Variants in TMEM192 observed in about 807,000 individuals in gnomAD.
The protein encoded by TMEM192 is transmembrane protein 192.
TMEM192 carries 20 observed loss-of-function variants against 26.7 expected under a neutral mutation model. The ratio of observed to expected loss-of-function variants is 0.75; its 90% confidence interval spans 0.53 to 1.09. The LOEUF (loss-of-function observed/expected upper bound fraction) is 1.09. TMEM192 is among the 50% of genes least tolerant of loss of function. The probability of loss-of-function intolerance (pLI) is 0.00; values close to 1 mark genes in which losing one functional copy is unlikely to be tolerated. For missense variants in TMEM192, 304 were observed against 322.6 expected, an observed-to-expected ratio of 0.94 and a Z score of 0.44; for synonymous variants, 124 against 121.0, an observed-to-expected ratio of 1.02 and a Z score of -0.16.
chr4:165,107,645 A>T (rs554576590), intron 1 of TMEM192, among the ~76,000 whole-genome samples: 1 of 152,158 alleles, frequency 6.6e-6, no homozygotes, highest in East Asian at 1.9e-4. Context: ...CGCCTGGCCA[A>T]GGATTTGCCT....
chr4:165,078,575 G>A lies in TMEM192; in HGVS notation c.*1083C>T, dbSNP rs956278525. On this transcript the variant is annotated 3_prime_UTR_variant, in exon 6 of 6. Coordinates refer to ENST00000306480, the MANE Select transcript of TMEM192 (RefSeq NM_001100389.2). ...AGAAGATGCCTTTCCTATAATTGAA[G>A]TTATTGATCAATTGAAGGTATAACC... 3.9e-5 allele frequency: 6 copies of A among 152,016 alleles called. No homozygotes were observed. The highest frequency in any genetic ancestry group is 2.6e-4 in the Admixed American group (4 of 15,244). The allele number at this position is 152,016 out of a possible 1,614,324, so 9.4% of individuals were successfully genotyped here. A position where few individuals can be genotyped will look rare whatever the true frequency, so the allele number is the denominator to read the frequency against.
At chr4:165,100,962 G>T in intron 2 of TMEM192, 70 bp from the exon 3 acceptor site, 3 of 851,198 alleles carry the variant, frequency 3.5e-6, no homozygotes, top group Non-Finnish European at 3.5e-6. Context: ...TACCATCCCA[G>T]CATACATTCT....
chr4:165,100,564 T>C, intron 3 of TMEM192, 64 bp downstream of exon 3: 2 of 1,530,858 alleles, frequency 1.3e-6, no homozygotes, highest in East Asian at 2.3e-5. Context: ...AAACTTCATA[T>C]ATTCTTTCTG....
chr4:165,085,527 ATGGTTT>A, intron 5 of TMEM192, 53 bp downstream of exon 5: 1 of 1,093,788 alleles, frequency 9.1e-7, no homozygotes, highest in Non-Finnish European at 1.4e-6. Context: ...AAGCATCAGA[ATGGTTT>A]CTAGCTTTCT....
At chr4:165,106,900 C>G (rs1735174054) in intron 1 of TMEM192, among the ~76,000 whole-genome samples, 1 of 152,262 alleles carries the variant, frequency 6.6e-6, no homozygotes, top group South Asian at 2.1e-4. Context: ...ATACATATAT[C>G]CTATTGGTTC....
chr4:165,088,595 T>C lies in TMEM192; in HGVS notation c.447A>G (p.Thr149=). ...LALMIQSSGN[T]VLLLILCMQH... is the part of the protein sequence containing the mutation. ...GCATGCACAGTATGAGGAGAAGCAC[T>C]GTGTTGCCTGAGGAGGAGAAACATA... Residue 149 remains threonine, a synonymous_variant, in exon 4 of 6, where the codon ACA becomes ACG. Coordinates refer to ENST00000306480, the MANE Select transcript of TMEM192 (RefSeq NM_001100389.2). 1 of 1,610,424 alleles carries C rather than the reference T, an allele frequency of 6.2e-7. No homozygotes were observed. Among genetic ancestry groups the C allele is most frequent in the African/African-American group, 1.3e-5 (1 of 74,966 alleles).
chr4:165,090,138 G>A (rs1578903453), intron 3 of TMEM192, among the ~76,000 whole-genome samples: 1 of 150,896 alleles, frequency 6.6e-6, no homozygotes, highest in African/African-American at 2.4e-5. Flanking sequence ...TTGAACCCGG[G>A]AGGTGGAGGT....
Position 165,076,330 on chromosome 4 carries a change from G to C in TMEM192, c.*3328C>G, listed in dbSNP as rs1180315632. The C allele has an allele frequency of 6.6e-6, 1 of 152,092 alleles. No homozygotes were observed. Among genetic ancestry groups the C allele is most frequent in the African/African-American group, 2.4e-5 (1 of 41,400 alleles). 9.4% of individuals were successfully genotyped at this position (152,092 alleles called of 1,614,324 possible). On this transcript the variant is annotated 3_prime_UTR_variant, in exon 6 of 6. Transcript: ENST00000306480. ...CCATATTGAACTACCATCTGATCCT[G>C]CTGAAACTAAAACTGACATTGTCAC...
In TMEM192 at chr4:165,076,601, T is replaced by C. The variant is rs1201574863; in HGVS notation, c.*3057A>G. On this transcript the variant is annotated 3_prime_UTR_variant, in exon 6 of 6. Coordinates refer to ENST00000306480, the MANE Select transcript of TMEM192 (RefSeq NM_001100389.2). Reference sequence around the variant, plus strand: ...ACCCTCCTGCCCCCAGGGTACCCCCTGACGTGGAGCTCCTACAGCATGTTG... The same window carrying C: ...ACCCTCCTGCCCCCAGGGTACCCCCCGACGTGGAGCTCCTACAGCATGTTG... 2 of 152,242 alleles carry C rather than the reference T, an allele frequency of 1.3e-5. No individual in the cohort carries two copies. Among genetic ancestry groups the C allele is most frequent in the African/African-American group, 2.4e-5 (1 of 41,450 alleles). The allele number at this position is 152,242 out of a possible 1,614,324, so 9.4% of individuals were successfully genotyped here. A position where few individuals can be genotyped will look rare whatever the true frequency, so the allele number is the denominator to read the frequency against.
intron 4 of TMEM192, 146 bp from the exon 5 acceptor site, chr4:165,085,834 A>G (rs1734601946): frequency 1.7e-6 from 1 of 593,428 alleles, no homozygotes; most frequent in Admixed American, 3.1e-5. Context: ...AGCCCTGGGA[A>G]TATAGGGATT....
intron 3 of TMEM192, among the ~76,000 whole-genome samples, chr4:165,092,406 G>A (rs1734788720): frequency 6.6e-6 from 1 of 152,166 alleles, no homozygotes; most frequent in East Asian, 1.9e-4. Context: ...ACAGGCGTAA[G>A]CCACCGCACC....
At position 165,072,267 on chromosome 4, in the gene TMEM192, T is replaced by C. The variant is rs1320112208; in HGVS notation, c.*7391A>G. On this transcript the variant is annotated 3_prime_UTR_variant, in exon 6 of 6. Coordinates refer to ENST00000306480, the MANE Select transcript of TMEM192 (RefSeq NM_001100389.2). ...AAAAAGAAAAAGAAAAACACTATTA[T>C]AATAGGGCCAGGCACAGTGACTCAT... 1.3e-5 allele frequency: 2 copies of C among 150,064 alleles called. No individual in the cohort carries two copies. Among genetic ancestry groups the C allele is most frequent in the Admixed American group, 1.3e-4 (2 of 14,962 alleles). 9.3% of individuals were successfully genotyped at this position (150,064 alleles called of 1,614,324 possible).
rs1578895834 is a variant in TMEM192, at chr4:165,077,442, T to TA, written c.*2215dup. ...GAGAAGGCAATGGCTTTGAGATACA[T>TA]ACACTTATTAAAAAGAAAGGAAGGC... is the stretch of plus-strand genomic sequence containing the variant. On this transcript the variant is annotated 3_prime_UTR_variant, in exon 6 of 6. Transcript: ENST00000306480. 1 of 152,142 alleles carries TA rather than the reference T, an allele frequency of 6.6e-6. No homozygotes were observed. Among genetic ancestry groups the TA allele is most frequent in the East Asian group, 1.9e-4 (1 of 5,188 alleles). 9.4% of individuals were successfully genotyped at this position (152,142 alleles called of 1,614,324 possible).
chr4:165,086,986 C>T (rs1203243851), intron 4 of TMEM192, among the ~76,000 whole-genome samples: 3 of 151,954 alleles, frequency 2.0e-5, no homozygotes, highest in South Asian at 2.1e-4. Flanking sequence ...TGGTGGTAGG[C>T]GCCTATAATC....
chr4:165,112,625 C>A, intron 1 of TMEM192, 122 bp downstream of exon 1: 1 of 1,426,344 alleles, frequency 7.0e-7, no homozygotes, highest in Non-Finnish European at 9.5e-7. Flanking sequence ...CAGGCGGCGC[C>A]CCCTTCGGCC....
intron 1 of TMEM192, among the ~76,000 whole-genome samples, chr4:165,104,253 A>T (rs987332735): frequency 6.6e-6 from 1 of 152,230 alleles, no homozygotes; most frequent in East Asian, 1.9e-4. Flanking sequence ...AAATCAGCAA[A>T]TGAAAAGCAT....
At chr4:165,097,481 G>A (rs567862947) in intron 3 of TMEM192, among the ~76,000 whole-genome samples, 84 of 121,968 alleles carry the variant, frequency 6.9e-4, no homozygotes, top group Middle Eastern at 5.4e-3. Flanking sequence ...GTGACAGAGC[G>A]AGACTCCATC....
chr4:165,111,786 G>T (rs1735297747), intron 1 of TMEM192: 1 of 152,154 alleles, frequency 6.6e-6, no homozygotes, highest in African/African-American at 2.4e-5. Context: ...CGTAATGCTG[G>T]AACTGTTTCA....
chr4:165,104,846 T>C (rs1272642044), intron 1 of TMEM192, among the ~76,000 whole-genome samples: 1 of 152,162 alleles, frequency 6.6e-6, no homozygotes, highest in African/African-American at 2.4e-5. Context: ...TTTTATTCAA[T>C]GCCTAGATTG....
Sources: gnomAD v4.1 joint callset for allele counts (sites outside exome capture counted in the v4.1 genomes callset) on GRCh38, gnomAD v4.1.1 for gene constraint, MANE v1.5 for transcripts, NCBI Gene and HGNC (gene_info 2026-07-23, HGNC 2026-07-21) for gene names.